Variants in AGBL4 observed in about 807,000 individuals in gnomAD.
AGBL4 encodes cytosolic carboxypeptidase 6.
A neutral mutation model predicts 66.4 loss-of-function variants in AGBL4; 58 were observed. The observed-to-expected ratio is 0.87, with a 90% CI of 0.71 to 1.09. The LOEUF is 1.09. Among genes scored for constraint, AGBL4 ranks in the 50% least tolerant of loss-of-function variants. The pLI, the probability that AGBL4 is intolerant of heterozygous loss-of-function variation, is 0.00. For missense variants in AGBL4, 579 were observed against 631.0 expected, an observed-to-expected ratio of 0.92 and a Z score of 0.88; for synonymous variants, 234 against 222.9, an observed-to-expected ratio of 1.05 and a Z score of -0.44.
intron 4 of AGBL4, among the ~76,000 whole-genome samples, chr1:49,174,405 C>G (rs901828927): frequency 2.0e-5 from 3 of 152,080 alleles, no homozygotes; most frequent in Non-Finnish European, 2.9e-5. Context: ...GGATGTTCTC[C>G]AGGATTGCTT....
rs575921853 is a variant in AGBL4 at position 49,828,125 on chromosome 1, T to TA, written c.157+23270dup. 1.4e-3 allele frequency among the ~76,000 whole-genome samples: 200 copies of TA among 144,400 alleles called. 1 individual carries two copies. Among genetic ancestry groups the TA allele is most frequent in the South Asian group, 6.7e-3 (30 of 4,502 alleles). 94.7% of individuals were successfully genotyped at this position (144,400 alleles called of 152,430 possible). A position where few individuals can be genotyped will look rare whatever the true frequency, so the allele number is the denominator to read the frequency against. ...TAACAAAGGCTAATAACCAATGCAG[T>TA]AAAAAAAAAAACAACTCATTACTAC... is the stretch of plus-strand genomic sequence containing the variant. On this transcript the variant is annotated intron_variant, in intron 2 of 13. Coordinates refer to ENST00000371839, the MANE Select transcript of AGBL4 (RefSeq NM_032785.4).
At chr1:50,001,772 A>T (rs1337403931) in intron 1 of AGBL4, among the ~76,000 whole-genome samples, 1 of 152,178 alleles carries the variant, frequency 6.6e-6, no homozygotes, top group Non-Finnish European at 1.5e-5. Flanking sequence ...TGGATTTTCC[A>T]AAGTCAGAAA....
At chr1:48,703,130 A>C (rs1369859483) in intron 6 of AGBL4, among the ~76,000 whole-genome samples, 1 of 152,208 alleles carries the variant, frequency 6.6e-6, no homozygotes, top group African/African-American at 2.4e-5. Flanking sequence ...AACTTAGAGA[A>C]AGAGAAAGTT....
chr1:49,845,207 C>T (rs1191478350), intron 2 of AGBL4: 2 of 1,478,308 alleles, frequency 1.4e-6, no homozygotes, highest in Non-Finnish European at 9.4e-7. Flanking sequence ...TCGGCACTTA[C>T]CAAACACCAG....
At chr1:48,893,434 C>T (rs1651168811) in intron 5 of AGBL4, among the ~76,000 whole-genome samples, 1 of 151,968 alleles carries the variant, frequency 6.6e-6, no homozygotes, top group African/African-American at 2.4e-5. Context: ...GTAATCCCAG[C>T]ACTTTGGGAG....
At chr1:48,762,160 G>A (rs926960028) in intron 6 of AGBL4, among the ~76,000 whole-genome samples, 1 of 152,220 alleles carries the variant, frequency 6.6e-6, no homozygotes, top group Non-Finnish European at 1.5e-5. Flanking sequence ...GCATGAGTCT[G>A]AGGAACAGCC....
At chr1:48,783,605 G>T (rs972782019) in intron 6 of AGBL4, among the ~76,000 whole-genome samples, 7 of 152,140 alleles carry the variant, frequency 4.6e-5, no homozygotes, top group African/African-American at 1.7e-4. Flanking sequence ...ACCTCCATGA[G>T]CCTCAGCTTT....
intron 2 of AGBL4, among the ~76,000 whole-genome samples, chr1:49,721,754 A>T (rs1259917899): frequency 6.6e-6 from 1 of 152,146 alleles, no homozygotes; most frequent in Non-Finnish European, 1.5e-5. Flanking sequence ...GAAAGGAAGG[A>T]GTGGATTACA....
chr1:49,461,444 T>C lies in AGBL4; in HGVS notation c.283-215580A>G, dbSNP rs535104156. Among the ~76,000 whole-genome samples the C allele has an allele frequency of 2.6e-3, 388 of 148,302 alleles. 5 individuals are homozygous for C. The highest frequency in any genetic ancestry group is 3.3e-3 in the Non-Finnish European group (223 of 67,094). ...TAAGTGTCTCCTTGATTTCCGGAAG[T>C]TGTGATTTTTTTTTTATTTATGCGA... On this transcript the variant is annotated intron_variant, in intron 3 of 13. Transcript: ENST00000371839.
intron 1 of AGBL4, among the ~76,000 whole-genome samples, chr1:50,015,439 G>A (rs1433922087): frequency 1.3e-5 from 2 of 152,140 alleles, no homozygotes; most frequent in Non-Finnish European, 2.9e-5. Flanking sequence ...GAATAAACAA[G>A]TAATTTTAAA....
chr1:49,173,949 A>G (rs1217143326), intron 4 of AGBL4, among the ~76,000 whole-genome samples: 1 of 152,200 alleles, frequency 6.6e-6, no homozygotes, highest in African/African-American at 2.4e-5. Context: ...GTCAAGATTG[A>G]AAACTAAGCA....
Position 48,664,335 on chromosome 1 carries a change from G to A in AGBL4, c.635-1094C>T, listed in dbSNP as rs1052352742. On this transcript the variant is annotated intron_variant, in intron 6 of 13. Coordinates refer to ENST00000371839, the MANE Select transcript of AGBL4 (RefSeq NM_032785.4). ...AAAAATGATCAAGGAGCTGTGAACT[G>A]CACAGTCCTTAGGGTCACACAGGGC... Among the ~76,000 whole-genome samples the A allele has an allele frequency of 1.5e-4, 23 of 152,280 alleles. 1 individual carries two copies. In the East Asian group the frequency reaches 4.2e-3, roughly 28 times the overall value.
chr1:49,968,354 G>C (rs1393047316), intron 1 of AGBL4, among the ~76,000 whole-genome samples: 1 of 152,016 alleles, frequency 6.6e-6, no homozygotes, highest in Admixed American at 6.6e-5. Flanking sequence ...ATGATTTTCT[G>C]CATTTTTCAC....
chr1:49,639,298 A>T (rs1277501896), intron 3 of AGBL4, among the ~76,000 whole-genome samples: 1 of 152,208 alleles, frequency 6.6e-6, no homozygotes, highest in African/African-American at 2.4e-5. Flanking sequence ...GAAAGGTAGG[A>T]CAGTAATTTA....
intron 1 of AGBL4, among the ~76,000 whole-genome samples, chr1:49,903,271 T>C (rs1649949855): frequency 6.6e-6 from 1 of 152,172 alleles, no homozygotes; most frequent in Non-Finnish European, 1.5e-5. Context: ...AAATACTGCA[T>C]GTTCTCGCTT....
chr1:49,298,308 G>A (rs1644680554), intron 3 of AGBL4, among the ~76,000 whole-genome samples: 1 of 152,132 alleles, frequency 6.6e-6, no homozygotes, highest in Admixed American at 6.5e-5. Flanking sequence ...AGGCCATTAG[G>A]GCCAAGAATT....
chr1:49,202,560 T>C (rs1329683682), intron 4 of AGBL4, among the ~76,000 whole-genome samples: 4 of 151,980 alleles, frequency 2.6e-5, no homozygotes, highest in Non-Finnish European at 5.9e-5. Context: ...ATTGGGAAAA[T>C]TGGATATCCA....
intron 3 of AGBL4, among the ~76,000 whole-genome samples, chr1:49,638,067 G>C (rs570864529): frequency 2.0e-5 from 3 of 152,096 alleles, no homozygotes; most frequent in Non-Finnish European, 4.4e-5. Context: ...ATGCACTGTT[G>C]TTCTTAGTTT....
intron 2 of AGBL4, among the ~76,000 whole-genome samples, chr1:49,713,102 G>A (rs545327203): frequency 6.6e-6 from 1 of 152,152 alleles, no homozygotes; most frequent in Non-Finnish European, 1.5e-5. Context: ...GCTCATAGGA[G>A]AAACATTTTT....
Sources: allele counts gnomAD v4.1 joint callset (sites outside exome capture counted in the v4.1 genomes callset), GRCh38; gene constraint gnomAD v4.1.1; transcripts MANE v1.5; gene names NCBI Gene and HGNC (gene_info 2026-07-23, HGNC 2026-07-21).